Variants in REPS2 observed in about 807,000 individuals in gnomAD.
The protein encoded by REPS2 is ralBP1-associated Eps domain-containing protein 2.
REPS2 carries 23 observed loss-of-function variants against 53.6 expected under a neutral mutation model. That is an observed-to-expected ratio of 0.43 (90% CI 0.31 to 0.61). REPS2 has a LOEUF of 0.61. Among genes scored for constraint, REPS2 ranks in the 20% least tolerant of loss-of-function variants. REPS2 has a pLI of 0.11. For synonymous variants in REPS2, 238 were observed against 218.6 expected (o/e 1.09, Z -0.78); for missense variants, 446 against 534.9 (o/e 0.83, Z 1.64).
Position 17,006,327 on chromosome X carries a change from T to A in REPS2, c.380T>A (p.Ile127Lys). ...GCACAATCTGGCCTCCCGGTACGGA[T>A]AGAGAGTATTAAATGTGGTGAGTAT... The part of the protein sequence containing the change: ...AAAQSGLPVR[I>K]ESIKCELPLP... The change falls in exon 2 of 18, where the codon ATA (isoleucine) becomes AAA (lysine). Residue 127 changes from isoleucine to lysine, a missense_variant. Physicochemically the swap from Ile to Lys is moderately radical, Grantham distance 102. Coordinates refer to ENST00000357277, the MANE Select transcript of REPS2 (RefSeq NM_004726.3). 1 of 1,209,640 alleles carries A rather than the reference T, an allele frequency of 8.3e-7. No individual in the cohort carries two copies. Among genetic ancestry groups the A allele is most frequent in the South Asian group, 1.8e-5 (1 of 56,887 alleles).
intron 1 of REPS2, among the ~76,000 whole-genome samples, chrX:16,978,264 A>G (rs1414640919): frequency 8.9e-6 from 1 of 111,988 alleles, no homozygotes; most frequent in Non-Finnish European, 1.9e-5. Context: ...CAGGAGGTTC[A>G]ACTTTTGGCT....
intron 1 of REPS2, chrX:16,978,506 C>T (rs763057487): frequency 1.2e-5 from 7 of 561,514 alleles, no homozygotes; most frequent in Non-Finnish European, 1.5e-5. Context: ...TCCTTTTTTT[C>T]TTTTTTTTTT....
rs1364530542 is a variant in REPS2 at position 16,947,016 on chromosome X, GC to G, written c.159del (p.Ser55LeufsTer59). 1 of 950,428 alleles carries G rather than the reference GC, an allele frequency of 1.1e-6. No individual in the cohort carries two copies. The highest frequency in any genetic ancestry group is 1.3e-6 in the Non-Finnish European group (1 of 766,447). 78.3% of individuals were successfully genotyped at this position (950,428 alleles called of 1,213,427 possible). ...FARCAGAAGG[G>X]PGSGPPEAAR... ...CGCTGTGCCGGCGCCGCGGGCGGGG[GC>G]CCCGGGTCTGGGCCCCCCGAGGCCG... On this transcript the variant is annotated frameshift_variant, in exon 1 of 18. Transcript: ENST00000357277. LOFTEE classifies it high-confidence loss of function.
chrX:17,101,856 G>T (rs1488636557), intron 13 of REPS2, among the ~76,000 whole-genome samples: 1 of 110,481 alleles, frequency 9.1e-6, no homozygotes, highest in Non-Finnish European at 1.9e-5. Flanking sequence ...TTAAATGGGT[G>T]GGTAAATCTC....
At chrX:17,130,240 A>G (rs2063273557) in intron 14 of REPS2, among the ~76,000 whole-genome samples, 1 of 111,443 alleles carries the variant, frequency 9.0e-6, no homozygotes. Context: ...CCTGGCAGTG[A>G]ATGGCTCCTG....
intron 1 of REPS2, among the ~76,000 whole-genome samples, chrX:16,981,130 G>A (rs2061015086): frequency 1.8e-5 from 2 of 111,749 alleles, no homozygotes; most frequent in African/African-American, 6.5e-5. Context: ...TGTGGATTGT[G>A]GTAGGAGTCA....
At position 17,025,070 on chromosome X, in the gene REPS2, G is replaced by A. The variant is rs375822800; in HGVS notation, c.558G>A (p.Gln186=). Residue 186 remains glutamine (Q), a synonymous_variant, in exon 4 of 18, where the codon CAG becomes CAA. Transcript: ENST00000357277. The stretch of plus-strand genomic sequence containing the variant: ...CTGGTTCTTTGAAGCAGGAAACACA[G>A]TCTCCCACGATGTCACCCCTCGCCT... The part of the protein sequence containing the change: ...MDDEDKQQET[Q]SPTMSPLASP... The A allele has an allele frequency of 5.0e-5, 60 of 1,210,256 alleles. No individual in the cohort carries two copies. Among genetic ancestry groups the A allele is most frequent in the Non-Finnish European group, 6.4e-5 (57 of 895,305 alleles).
rs867227348 is a variant in REPS2, at chrX:17,120,177, C to T, written c.1579-13647C>T. Among the ~76,000 whole-genome samples, 50 of 111,791 alleles carry T rather than the reference C, an allele frequency of 4.5e-4. No individual in the cohort carries two copies. The Middle Eastern group carries it at 0.014, about 31-fold the overall frequency. ...GGCGTGAGCCACTGTGCACGGCCCA[C>T]ACTGTGACTTTAAGGAAGCACTCCT... On this transcript the variant is annotated intron_variant, in intron 14 of 17. Transcript: ENST00000357277.
Position 17,150,694 on chromosome X carries a change from G to T in REPS2, c.*3213G>T. The T allele has an allele frequency of 9.0e-6, 1 of 111,721 alleles. No homozygotes were observed. Among genetic ancestry groups the T allele is most frequent in the East Asian group, 2.8e-4 (1 of 3,526 alleles). The allele number at this position is 111,721 out of a possible 1,213,427, so 9.2% of individuals were successfully genotyped here. ...AGGATGTCAGAGCTGGGCAGGACTG[G>T]TACCCATCATTTGCAGTTTGCATGT... is the stretch of plus-strand genomic sequence containing the variant. On this transcript the variant is annotated 3_prime_UTR_variant, in exon 18 of 18. Transcript: ENST00000357277.
chrX:17,175,451 C>T, the REPS2 span, among the ~76,000 whole-genome samples: 3 of 112,436 alleles, frequency 2.7e-5, no homozygotes, highest in Admixed American at 2.8e-4. Context: ...CATGCTTTCA[C>T]CTGCTGGCCT....
the REPS2 span, among the ~76,000 whole-genome samples, chrX:17,163,059 A>G: frequency 2.7e-5 from 3 of 112,396 alleles, 1 homozygote; most frequent in Admixed American, 2.8e-4. Context: ...TATTAGACAA[A>G]TACATAATTT....
intron 1 of REPS2, among the ~76,000 whole-genome samples, chrX:16,973,815 A>G (rs769860576): frequency 3.6e-5 from 4 of 110,567 alleles, no homozygotes; most frequent in Non-Finnish European, 7.6e-5. Context: ...ATCTGTATTT[A>G]TATATTGATT....
chrX:17,060,251 C>G (rs762370720), intron 8 of REPS2, among the ~76,000 whole-genome samples: 1 of 109,837 alleles, frequency 9.1e-6, no homozygotes, highest in East Asian at 2.8e-4. Context: ...TGCAGTGAGC[C>G]GAGATTGCGT....
At chrX:17,171,884 T>G in the REPS2 span, among the ~76,000 whole-genome samples, 1 of 111,219 alleles carries the variant, frequency 9.0e-6, no homozygotes, top group Non-Finnish European at 1.9e-5. Context: ...AACCTAAGAA[T>G]AATACTGGGA....
chrX:17,047,475 C>T lies in REPS2; in HGVS notation c.900C>T (p.Phe300=). ...FRSLQPDPSS[F]ISGSVAKNFF... is the part of the protein sequence containing the mutation. Reference sequence around the variant, plus strand: ...CCCTTCAGCCAGACCCAAGCTCTTTCATTTCAGGTAAGAATGTGGGCTCCC... The same window carrying T: ...CCCTTCAGCCAGACCCAAGCTCTTTTATTTCAGGTAAGAATGTGGGCTCCC... The change falls in exon 6 of 18, where the codon TTC becomes TTT. Residue 300 remains phenylalanine, a synonymous_variant. Transcript: ENST00000357277. 8.3e-7 allele frequency: 1 copy of T among 1,209,514 alleles called. No homozygotes were observed. Among genetic ancestry groups the T allele is most frequent in the Non-Finnish European group, 1.1e-6 (1 of 894,764 alleles).
At chrX:17,134,931 G>A (rs999818652) in intron 15 of REPS2, among the ~76,000 whole-genome samples, 78 of 111,453 alleles carry the variant, frequency 7.0e-4, no homozygotes, top group African/African-American at 2.5e-3. Flanking sequence ...CAAAATTTAG[G>A]TTTAAAAGGC....
intron 14 of REPS2, among the ~76,000 whole-genome samples, chrX:17,122,673 C>T (rs1357219598): frequency 8.9e-6 from 1 of 112,364 alleles, no homozygotes; most frequent in African/African-American, 3.2e-5. Flanking sequence ...CACTCCAGTT[C>T]CATGTCCTCA....
At chrX:17,108,635 C>T (rs767042658) in intron 14 of REPS2, among the ~76,000 whole-genome samples, 30 of 111,486 alleles carry the variant, frequency 2.7e-4, no homozygotes, top group Middle Eastern at 4.6e-3. Flanking sequence ...TTTGGGGGTG[C>T]AAGACATTAT....
chrX:16,965,452 G>A (rs1217480228), intron 1 of REPS2, among the ~76,000 whole-genome samples: 4 of 110,229 alleles, frequency 3.6e-5, no homozygotes, highest in Non-Finnish European at 5.7e-5. Flanking sequence ...GGGCGGAGGG[G>A]CTCCTCACTT....
Sources: allele counts gnomAD v4.1 joint callset (sites outside exome capture counted in the v4.1 genomes callset), GRCh38; gene constraint gnomAD v4.1.1; transcripts MANE v1.5; gene names NCBI Gene and HGNC (gene_info 2026-07-23, HGNC 2026-07-21).